The following TRIB3 variants were observed in gnomAD, a reference collection of about 807,000 sequenced individuals.
The protein encoded by TRIB3 is tribbles homolog 3.
A neutral mutation model predicts 16.6 loss-of-function variants in TRIB3; 20 were observed. That is an observed-to-expected ratio of 1.20 (90% CI 0.85 to 1.75). The LOEUF (loss-of-function observed/expected upper bound fraction) is 1.75, where lower values mean the gene tolerates loss of function less well. Ranked by LOEUF, TRIB3 falls within the 40% of genes most tolerant of loss-of-function variation. The pLI, the probability that TRIB3 is intolerant of heterozygous loss-of-function variation, is 0.00. For missense variants in TRIB3, 484 were observed against 488.9 expected (o/e 0.99, Z 0.10); for synonymous variants, 208 against 217.0 (o/e 0.96, Z 0.36).
At chr20:391,614 CA>C (rs761121390) in intron 3 of TRIB3, 35 bp downstream of exon 3, 2 of 1,586,606 alleles carry the variant, frequency 1.3e-6, no homozygotes, top group South Asian at 2.2e-5. Flanking sequence ...GCCACAGACA[CA>C]CCCAGGGGGT....
intron 3 of TRIB3, among the ~76,000 whole-genome samples, chr20:391,819 C>T (rs984889536): frequency 5.3e-5 from 8 of 152,042 alleles, no homozygotes; most frequent in East Asian, 1.9e-4. Context: ...GTCAGGAGTT[C>T]GAGACCAGCC....
chr20:396,278 GC>G lies in TRIB3; in HGVS notation c.668del (p.Pro223GlnfsTer100), dbSNP rs1470778277. 6.2e-7 allele frequency: 1 copy of G among 1,613,912 alleles called. No homozygotes were observed. The highest frequency in any genetic ancestry group is 2.2e-5 in the East Asian group (1 of 44,884). On this transcript the variant is annotated frameshift_variant, in exon 4 of 4. Coordinates refer to ENST00000217233, the MANE Select transcript of TRIB3 (RefSeq NM_021158.5). LOFTEE classifies it low-confidence loss of function (END_TRUNC). ...GATTCCCTGTGGGACAAGCACGCGT[GC>G]CCAGCCTACGTGGGACCTGAGATAC... ...PDDSLWDKHACPAYVGPEILS... is the reference protein window; with the variant it reads ...PDDSLWDKHAXPAYVGPEILS...
intron 3 of TRIB3, among the ~76,000 whole-genome samples, chr20:392,413 T>A (rs2015005585): frequency 6.6e-6 from 1 of 152,134 alleles, no homozygotes. Context: ...GGAAAAGGGC[T>A]GGATTGTTAG....
At chr20:384,320 T>C (rs1278174435) in intron 1 of TRIB3, among the ~76,000 whole-genome samples, 3 of 152,292 alleles carry the variant, frequency 2.0e-5, no homozygotes, top group Admixed American at 6.5e-5. Context: ...AGCTGTAATA[T>C]AGAAACAGCC....
At chr20:389,672 G>C (rs950933643) in intron 2 of TRIB3, among the ~76,000 whole-genome samples, 3 of 152,116 alleles carry the variant, frequency 2.0e-5, no homozygotes, top group African/African-American at 7.2e-5. Context: ...CCGCTGGGGA[G>C]GTGAGTCCAT....
At chr20:382,303 C>T in intron 1 of TRIB3, 1 of 518,458 alleles carries the variant, frequency 1.9e-6, no homozygotes, top group South Asian at 2.6e-5. Context: ...TCAGTTACCG[C>T]ATCTGTCCCC....
intron 2 of TRIB3, among the ~76,000 whole-genome samples, chr20:389,270 G>C (rs1460904547): frequency 1.3e-5 from 2 of 152,152 alleles, no homozygotes; most frequent in Non-Finnish European, 2.9e-5. Context: ...GAGCCAGGTG[G>C]TATCAGAGCT....
Position 381,061 on chromosome 20 carries a change from G to A in TRIB3, c.-109G>A, listed in dbSNP as rs903510436. 3 of 152,168 alleles carry A rather than the reference G, an allele frequency of 2.0e-5. No individual in the cohort carries two copies. In the South Asian group the frequency reaches 6.2e-4, roughly 31 times the overall value. 9.4% of individuals were successfully genotyped at this position (152,168 alleles called of 1,614,324 possible). A position where few individuals can be genotyped will look rare whatever the true frequency, so the allele number is the denominator to read the frequency against. ...TAGGACCCGGGCAGGGCTGGAGCTGGGCTGGGATCCCGAGCTCGGCAGCAG... is the reference window on the plus strand; with the variant it reads ...TAGGACCCGGGCAGGGCTGGAGCTGAGCTGGGATCCCGAGCTCGGCAGCAG... On this transcript the variant is annotated 5_prime_UTR_variant, in exon 1 of 4. Transcript: ENST00000217233.
At chr20:382,646 T>A in intron 1 of TRIB3, 1 of 1,345,440 alleles carries the variant, frequency 7.4e-7, no homozygotes, top group Non-Finnish European at 1.0e-6. Context: ...CTCTACATGC[T>A]TCATTTGTGT....
At chr20:395,238 C>G (rs1400656457) in intron 3 of TRIB3, among the ~76,000 whole-genome samples, 2 of 151,678 alleles carry the variant, frequency 1.3e-5, no homozygotes, top group Non-Finnish European at 2.9e-5. Context: ...CAGCTCACTG[C>G]AACCGCCACC....
chr20:382,741 C>A (rs2014696886), intron 1 of TRIB3: 3 of 745,550 alleles, frequency 4.0e-6, no homozygotes, highest in Non-Finnish European at 6.9e-6. Flanking sequence ...GCTTGAGGAA[C>A]TTGACCAGGG....
chr20:393,125 AATGTTAAC>A (rs879464223), intron 3 of TRIB3, among the ~76,000 whole-genome samples: 26,736 of 142,806 alleles, frequency 0.19, 3,045 homozygotes, highest in East Asian at 0.29. Context: ...AGTGCTCTCC[AATGTTAAC>A]ACCTGACGTA....
At position 396,769 on chromosome 20, in the gene TRIB3, T is replaced by C; in HGVS notation, c.*79T>C. On this transcript the variant is annotated 3_prime_UTR_variant, in exon 4 of 4. Transcript: ENST00000217233. ...TCCAAGCCTTCTCCTGCCTCTGAAC[T>C]GAGCCAAACCTTCAGTGCCTTCCAG... is the stretch of plus-strand genomic sequence containing the variant. The C allele has an allele frequency of 6.6e-7, 1 of 1,520,620 alleles. No homozygotes were observed. Among genetic ancestry groups the C allele is most frequent in the Non-Finnish European group, 8.8e-7 (1 of 1,139,248 alleles). 94.2% of individuals were successfully genotyped at this position (1,520,620 alleles called of 1,614,324 possible).
At chr20:382,724 T>G in intron 1 of TRIB3, 1 of 846,138 alleles carries the variant, frequency 1.2e-6, no homozygotes, top group Non-Finnish European at 1.9e-6. Flanking sequence ...GAACTGAGGC[T>G]CAGAAAGCTT....
Position 396,884 on chromosome 20 carries a change from A to G in TRIB3, c.*194A>G, listed in dbSNP as rs535985314. ...TGCAGTTCCTGCTTGGGTGCTTATC[A>G]GGTGCCAAGCCCTGTTCTCGGTGCT... On this transcript the variant is annotated 3_prime_UTR_variant, in exon 4 of 4. Transcript: ENST00000217233. 2.0e-5 allele frequency: 15 copies of G among 765,872 alleles called. No individual in the cohort carries two copies. Among genetic ancestry groups the G allele is most frequent in the Non-Finnish European group, 2.8e-5 (14 of 505,092 alleles). 47.4% of individuals were successfully genotyped at this position (765,872 alleles called of 1,614,324 possible).
At chr20:384,564 A>G (rs1414903335) in intron 1 of TRIB3, among the ~76,000 whole-genome samples, 1 of 152,080 alleles carries the variant, frequency 6.6e-6, no homozygotes, top group Non-Finnish European at 1.5e-5. Flanking sequence ...GGGTTTCACC[A>G]TGTTGGCCAA....
At chr20:385,558 G>C (rs2014782436) in intron 1 of TRIB3, 1 of 151,932 alleles carries the variant, frequency 6.6e-6, no homozygotes, top group Non-Finnish European at 1.5e-5. Flanking sequence ...AACTTCACCT[G>C]GGAACTGGAT....
chr20:389,469 T>G (rs1337583605), intron 2 of TRIB3, among the ~76,000 whole-genome samples: 1 of 152,138 alleles, frequency 6.6e-6, no homozygotes, highest in Admixed American at 6.5e-5. Context: ...GACTTAAGCC[T>G]CCTCCTGGGG....
rs1325367647 is a variant in TRIB3, at chr20:396,526, A to G, written c.913A>G (p.Thr305Ala). Residue 305 changes from threonine to alanine, a missense_variant, in exon 4 of 4, where the codon ACA becomes GCA. Transcript: ENST00000217233. ...TCGTCGGGAGCCAGCTGAACGGCTC[A>G]CAGCCACAGGCATCCTCCTGCACCC... is the stretch of plus-strand genomic sequence containing the variant. ...LLRREPAERLTATGILLHPWL... is the reference protein window; with the variant it reads ...LLRREPAERLAATGILLHPWL... The G allele has an allele frequency of 9.9e-6, 16 of 1,613,014 alleles. No homozygotes were observed. Among genetic ancestry groups the G allele is most frequent in the Admixed American group, 1.7e-5 (1 of 60,014 alleles).
Sources: allele counts gnomAD v4.1 joint callset (sites outside exome capture counted in the v4.1 genomes callset), GRCh38; gene constraint gnomAD v4.1.1; transcripts MANE v1.5; gene names NCBI Gene and HGNC (gene_info 2026-07-23, HGNC 2026-07-21).